The following TRAPPC9 variants were observed in gnomAD, a reference collection of about 807,000 sequenced individuals.
The protein encoded by TRAPPC9 is trafficking protein particle complex subunit 9, also known as IKK2 binding protein.
TRAPPC9 carries 83 observed loss-of-function variants against 124.0 expected under a neutral mutation model. The observed-to-expected ratio is 0.67, with a 90% CI of 0.56 to 0.80. The LOEUF is 0.80. Ranked by LOEUF, TRAPPC9 falls within the 30% of genes least tolerant of loss-of-function variation. TRAPPC9 has a pLI of 0.00. For missense variants in TRAPPC9, 1,302 were observed against 1,508.3 expected (o/e 0.86, Z 2.27); for synonymous variants, 638 against 617.5 (o/e 1.03, Z -0.49).
chr8:139,943,725 G>C (rs1314218893), intron 19 of TRAPPC9, among the ~76,000 whole-genome samples: 4 of 152,126 alleles, frequency 2.6e-5, no homozygotes, highest in Admixed American at 6.5e-5. Flanking sequence ...TTTAAAAAGT[G>C]GAAAAGCTAA....
intron 17 of TRAPPC9, among the ~76,000 whole-genome samples, chr8:140,027,243 G>A (rs997813816): frequency 8.5e-5 from 13 of 152,186 alleles, no homozygotes; most frequent in African/African-American, 2.9e-4. Context: ...GTGAGGCAAT[G>A]TATGACTAAA....
At chr8:139,786,360 G>A (rs1049065995) in intron 21 of TRAPPC9, among the ~76,000 whole-genome samples, 2 of 152,150 alleles carry the variant, frequency 1.3e-5, no homozygotes, top group African/African-American at 4.8e-5. Context: ...AGCGAGACGC[G>A]AATTCACTAA....
At chr8:140,140,499 T>C (rs955990449) in intron 17 of TRAPPC9, among the ~76,000 whole-genome samples, 2 of 152,206 alleles carry the variant, frequency 1.3e-5, no homozygotes, top group African/African-American at 4.8e-5. Context: ...TATCTGGCAT[T>C]GAACAAGAGC....
chr8:140,095,999 G>A (rs1289005295), intron 17 of TRAPPC9: 3 of 152,174 alleles, frequency 2.0e-5, no homozygotes, highest in Admixed American at 6.6e-5. Context: ...CAGGACCAAC[G>A]GTACTACCTG....
At chr8:140,084,038 T>C (rs374805132) in intron 17 of TRAPPC9, among the ~76,000 whole-genome samples, 177 of 152,288 alleles carry the variant, frequency 1.2e-3, no homozygotes, top group African/African-American at 2.9e-3. Context: ...GCAGTGGCTG[T>C]TCACAGGCAC....
chr8:140,414,545 A>G (rs115263232), intron 5 of TRAPPC9, among the ~76,000 whole-genome samples: 1,733 of 152,216 alleles, frequency 0.011, 37 homozygotes, highest in African/African-American at 0.04. Flanking sequence ...AAATAAATGA[A>G]TAAATAAACA....
intron 21 of TRAPPC9, among the ~76,000 whole-genome samples, chr8:139,771,718 C>T (rs772104026): frequency 2.0e-5 from 3 of 152,210 alleles, no homozygotes; most frequent in Admixed American, 1.3e-4. Context: ...GTAGAATCTG[C>T]GCGTCAGTGA....
At chr8:140,194,562 T>C (rs1193875847) in intron 17 of TRAPPC9, among the ~76,000 whole-genome samples, 1 of 152,160 alleles carries the variant, frequency 6.6e-6, no homozygotes, top group Non-Finnish European at 1.5e-5. Flanking sequence ...GGAACCCACA[T>C]GGACACAGAG....
chr8:140,010,547 A>C (rs1201559452), intron 18 of TRAPPC9, among the ~76,000 whole-genome samples: 1 of 152,208 alleles, frequency 6.6e-6, no homozygotes, highest in Non-Finnish European at 1.5e-5. Context: ...TACATATAAG[A>C]GAATACACAG....
chr8:140,340,718 T>A (rs901827251), intron 9 of TRAPPC9, among the ~76,000 whole-genome samples: 1 of 152,234 alleles, frequency 6.6e-6, no homozygotes, highest in Non-Finnish European at 1.5e-5. Flanking sequence ...CCTACTGTCC[T>A]CTGCTGAATT....
At chr8:140,334,465 C>T (rs368162646) in intron 9 of TRAPPC9, among the ~76,000 whole-genome samples, 20 of 152,176 alleles carry the variant, frequency 1.3e-4, no homozygotes, top group African/African-American at 3.6e-4. Flanking sequence ...GCCTAGCCAA[C>T]GTGGTGAAAC....
chr8:139,922,321 C>T lies in TRAPPC9; in HGVS notation c.2811-12021G>A, dbSNP rs1170385082. On this transcript the variant is annotated intron_variant, in intron 19 of 22. Transcript: ENST00000438773. ...GTTTCAGCCTCCTGAGTAGCTGGGA[C>T]TACAGGCACGTGCCACCACACCCGG... Among the ~76,000 whole-genome samples the T allele has an allele frequency of 5.3e-5, 8 of 152,204 alleles. No homozygotes were observed. In the East Asian group the frequency reaches 1.2e-3, roughly 22 times the overall value.
chr8:139,902,098 C>G (rs191650465), intron 20 of TRAPPC9, among the ~76,000 whole-genome samples: 1 of 152,286 alleles, frequency 6.6e-6, no homozygotes, highest in Non-Finnish European at 1.5e-5. Flanking sequence ...ATCACACAAA[C>G]ACAACACACG....
chr8:139,986,635 C>T (rs1259228188), intron 19 of TRAPPC9, among the ~76,000 whole-genome samples: 1 of 152,186 alleles, frequency 6.6e-6, no homozygotes, highest in Non-Finnish European at 1.5e-5. Flanking sequence ...ACTATTGTAG[C>T]TATCATGCCC....
intron 21 of TRAPPC9, among the ~76,000 whole-genome samples, chr8:139,778,175 ACACAC>A (rs1821528282): frequency 6.6e-6 from 1 of 152,168 alleles, no homozygotes; most frequent in Non-Finnish European, 1.5e-5. Flanking sequence ...ACACACACAC[ACACAC>A]CCATCAGAAT....
intron 19 of TRAPPC9, among the ~76,000 whole-genome samples, chr8:139,969,464 C>T (rs1835921040): frequency 6.6e-6 from 1 of 152,234 alleles, no homozygotes; most frequent in South Asian, 2.1e-4. Flanking sequence ...GCAGGAGGGT[C>T]TCATGGCCTA....
At chr8:139,902,325 T>C (rs934162305) in intron 20 of TRAPPC9, among the ~76,000 whole-genome samples, 36 of 152,154 alleles carry the variant, frequency 2.4e-4, no homozygotes, top group African/African-American at 8.0e-4. Context: ...AATCTGTGCC[T>C]CTCCCACCTT....
intron 9 of TRAPPC9, among the ~76,000 whole-genome samples, chr8:140,352,830 C>T (rs1268235985): frequency 6.6e-6 from 1 of 152,142 alleles, no homozygotes; most frequent in East Asian, 1.9e-4. Flanking sequence ...TTCTGCTGTT[C>T]CCTATTTCTC....
chr8:140,009,742 A>T (rs1838996907), intron 18 of TRAPPC9, among the ~76,000 whole-genome samples: 1 of 152,194 alleles, frequency 6.6e-6, no homozygotes, highest in African/African-American at 2.4e-5. Context: ...AGCTTTTCAT[A>T]GCACGTCCCC....
Sources: gnomAD v4.1 joint callset for allele counts (sites outside exome capture counted in the v4.1 genomes callset) on GRCh38, gnomAD v4.1.1 for gene constraint, MANE v1.5 for transcripts, NCBI Gene and HGNC (gene_info 2026-07-23, HGNC 2026-07-21) for gene names.